The following MYO1D variants were observed in gnomAD, a reference collection of about 807,000 sequenced individuals.
MYO1D encodes the protein myosin ID.
Under a neutral mutation model 122.0 loss-of-function variants are expected in MYO1D, and 83 were observed. The ratio of observed to expected loss-of-function variants is 0.68; its 90% CI spans 0.57 to 0.82. The LOEUF is 0.82. Among genes scored for constraint, MYO1D ranks in the 40% least tolerant of loss-of-function variants. The probability of loss-of-function intolerance (pLI) is 0.00; values close to 1 mark genes in which losing one functional copy is unlikely to be tolerated. For missense variants in MYO1D, 1,157 were observed against 1,269.5 expected (o/e 0.91, Z 1.35); for synonymous variants, 464 against 446.9 (o/e 1.04, Z -0.48).
intron 1 of MYO1D, among the ~76,000 whole-genome samples, chr17:32,825,704 C>T (rs73283758): frequency 5.9e-4 from 90 of 152,238 alleles, no homozygotes; most frequent in African/African-American, 2.0e-3. Flanking sequence ...TAACAGAATA[C>T]TCATTTCACA....
chr17:32,615,968 C>T (rs181668939), intron 20 of MYO1D, among the ~76,000 whole-genome samples: 7 of 152,310 alleles, frequency 4.6e-5, no homozygotes, highest in Admixed American at 1.3e-4. Context: ...GCAACATAGA[C>T]ATGGCAAAAT....
chr17:32,850,511 ATGTC>A (rs1177196653), intron 1 of MYO1D, among the ~76,000 whole-genome samples: 7 of 152,322 alleles, frequency 4.6e-5, no homozygotes, highest in African/African-American at 9.6e-5. Flanking sequence ...TCAGGAAAAA[ATGTC>A]TGAGCAGTAT....
chr17:32,610,474 A>G (rs981344961), intron 20 of MYO1D, among the ~76,000 whole-genome samples: 1 of 152,204 alleles, frequency 6.6e-6, no homozygotes, highest in Non-Finnish European at 1.5e-5. Context: ...GTTCTGGAAG[A>G]AAGGATGGTA....
intron 1 of MYO1D, among the ~76,000 whole-genome samples, chr17:32,803,438 G>A (rs1221557280): frequency 6.6e-6 from 1 of 152,076 alleles, no homozygotes; most frequent in East Asian, 1.9e-4. Flanking sequence ...AAGCCACCAC[G>A]CCGGGCCCAG....
At chr17:32,792,770 A>G (rs913517097) in intron 1 of MYO1D, among the ~76,000 whole-genome samples, 22 of 152,194 alleles carry the variant, frequency 1.4e-4, no homozygotes, top group South Asian at 8.3e-4. Context: ...AGGCTCCCCA[A>G]TAGCTGGGAC....
intron 21 of MYO1D, among the ~76,000 whole-genome samples, chr17:32,562,279 C>G (rs1567890964): frequency 6.6e-6 from 1 of 151,890 alleles, no homozygotes; most frequent in Non-Finnish European, 1.5e-5. Flanking sequence ...ATATTACACA[C>G]ATAAAAAAAC....
chr17:32,636,689 G>A (rs1337738118), intron 20 of MYO1D, among the ~76,000 whole-genome samples: 1 of 152,234 alleles, frequency 6.6e-6, no homozygotes. Context: ...CTCCTGCAGG[G>A]AAGCTCTAGG....
chr17:32,787,396 AGT>A (rs1233788540), intron 1 of MYO1D, among the ~76,000 whole-genome samples: 1 of 150,412 alleles, frequency 6.6e-6, no homozygotes, highest in Admixed American at 6.6e-5. Flanking sequence ...CCCAAGCAGC[AGT>A]GTACACCGTA....
chr17:32,654,609 G>C lies in MYO1D; in HGVS notation c.2358C>G (p.Ser786=). The stretch of plus-strand genomic sequence containing the variant: ...AGGCCGGAATGCTCTTGATGAGCTG[G>C]GATGCTCTCCATCTACAAGTAAATA... ...LQTIFNRWRA[S]QLIKSIPASD... is the part of the protein sequence containing the mutation. The change falls in exon 18 of 22, where the codon TCC becomes TCG. Residue 786 remains serine, a synonymous_variant. Coordinates refer to ENST00000318217, the MANE Select transcript of MYO1D (RefSeq NM_015194.3). 2.5e-6 allele frequency: 4 copies of C among 1,609,284 alleles called. No homozygotes were observed. In the African/African-American group the frequency reaches 5.4e-5, roughly 22 times the overall value.
At chr17:32,537,132 T>A (rs1910686967) in intron 21 of MYO1D, among the ~76,000 whole-genome samples, 1 of 152,212 alleles carries the variant, frequency 6.6e-6, no homozygotes, top group Non-Finnish European at 1.5e-5. Flanking sequence ...GAATTTTAGA[T>A]TTTCAAGTGT....
intron 16 of MYO1D, among the ~76,000 whole-genome samples, chr17:32,694,413 GT>G (rs1182731071): frequency 6.6e-6 from 1 of 152,158 alleles, no homozygotes; most frequent in Non-Finnish European, 1.5e-5. Context: ...GCTGTTGACT[GT>G]TTCTTCTTAT....
chr17:32,876,158 G>GAA (rs908622402), intron 1 of MYO1D, among the ~76,000 whole-genome samples: 20 of 152,042 alleles, frequency 1.3e-4, no homozygotes, highest in Admixed American at 6.5e-5. Context: ...TCGATGTCTG[G>GAA]AAACGTGTCT....
intron 21 of MYO1D, among the ~76,000 whole-genome samples, chr17:32,514,045 C>A (rs1304163646): frequency 6.6e-6 from 1 of 151,684 alleles, no homozygotes; most frequent in Non-Finnish European, 1.5e-5. Flanking sequence ...AGTTCAAGAC[C>A]AGCCTGGCCA....
intron 21 of MYO1D, among the ~76,000 whole-genome samples, chr17:32,601,730 T>C (rs946628311): frequency 3.3e-5 from 5 of 152,214 alleles, no homozygotes; most frequent in East Asian, 3.8e-4. Flanking sequence ...ATGGTGCTAA[T>C]AGACTTGATC....
chr17:32,583,890 C>T (rs553963906), intron 21 of MYO1D, among the ~76,000 whole-genome samples: 1 of 152,268 alleles, frequency 6.6e-6, no homozygotes, highest in East Asian at 1.9e-4. Flanking sequence ...CAGGCATGTG[C>T]CACGTGCCCT....
At chr17:32,769,557 C>A (rs900050710) in intron 6 of MYO1D, among the ~76,000 whole-genome samples, 3 of 151,930 alleles carry the variant, frequency 2.0e-5, no homozygotes, top group Admixed American at 2.0e-4. Flanking sequence ...CAGTGCAATA[C>A]TTAATAGTTA....
chr17:32,669,900 T>C (rs1567939928), intron 16 of MYO1D, among the ~76,000 whole-genome samples: 1 of 151,176 alleles, frequency 6.6e-6, no homozygotes, highest in Non-Finnish European at 1.5e-5. Context: ...TTTTTCTTTT[T>C]TCTTTTTTTT....
At chr17:32,537,945 T>TGGTGA (rs1910711237) in intron 21 of MYO1D, among the ~76,000 whole-genome samples, 1 of 152,182 alleles carries the variant, frequency 6.6e-6, no homozygotes, top group African/African-American at 2.4e-5. Flanking sequence ...TCATTTGACA[T>TGGTGA]GGTGAGTCAA....
At chr17:32,645,456 T>G (rs1418549540) in intron 19 of MYO1D, among the ~76,000 whole-genome samples, 1 of 152,160 alleles carries the variant, frequency 6.6e-6, no homozygotes, top group African/African-American at 2.4e-5. Context: ...GCCTGCCTTG[T>G]TAGGTTGGGG....
Sources: allele counts gnomAD v4.1 joint callset (sites outside exome capture counted in the v4.1 genomes callset), GRCh38; gene constraint gnomAD v4.1.1; transcripts MANE v1.5; gene names NCBI Gene and HGNC (gene_info 2026-07-23, HGNC 2026-07-21).